GLIS3: variants seen among roughly 807,000 people sequenced by gnomAD.
GLIS3 encodes zinc finger protein GLIS3.
Under a neutral mutation model 78.6 loss-of-function variants are expected in GLIS3, and 53 were observed. That is an observed-to-expected ratio of 0.67 (90% CI 0.54 to 0.85). GLIS3 has a LOEUF of 0.85. GLIS3 is among the 40% of genes least tolerant of loss of function. The pLI, the probability that GLIS3 is intolerant of heterozygous loss-of-function variation, is 0.00. For missense variants in GLIS3, 1,703 were observed against 1,231.1 expected, an observed-to-expected ratio of 1.38 and a Z score of -5.74; for synonymous variants, 684 against 509.9, an observed-to-expected ratio of 1.34 and a Z score of -4.60.
At chr9:4,211,614 T>C (rs1820381286) in intron 2 of GLIS3, among the ~76,000 whole-genome samples, 1 of 152,254 alleles carries the variant, frequency 6.6e-6, no homozygotes, top group Non-Finnish European at 1.5e-5. Context: ...CAAAACAGTT[T>C]GGTAGTTTCT....
the GLIS3 span, among the ~76,000 whole-genome samples, chr9:4,465,898 T>C: frequency 1.1e-4 from 16 of 152,308 alleles, no homozygotes; most frequent in South Asian, 3.1e-3. Flanking sequence ...ATTAAGTGCA[T>C]TTGAAGTTGA....
chr9:4,373,095 C>A, the GLIS3 span, among the ~76,000 whole-genome samples: 1 of 152,188 alleles, frequency 6.6e-6, no homozygotes, highest in Non-Finnish European at 1.5e-5. Context: ...AAAGTGGCTT[C>A]CCTGTTTCCT....
At chr9:4,450,148 C>A in the GLIS3 span, among the ~76,000 whole-genome samples, 4 of 152,154 alleles carry the variant, frequency 2.6e-5, no homozygotes, top group Non-Finnish European at 4.4e-5. Context: ...TAGAGAAGAC[C>A]TTAAGTGACC....
intron 7 of GLIS3, among the ~76,000 whole-genome samples, chr9:3,880,178 T>A (rs1392197834): frequency 1.3e-5 from 2 of 152,200 alleles, no homozygotes; most frequent in African/African-American, 4.8e-5. Flanking sequence ...GATGGTGTGA[T>A]GAATATACTT....
At chr9:4,088,158 G>C (rs924038177) in intron 4 of GLIS3, among the ~76,000 whole-genome samples, 4 of 152,170 alleles carry the variant, frequency 2.6e-5, no homozygotes, top group Non-Finnish European at 5.9e-5. Context: ...AAAGAAGAAG[G>C]GAAAGAAAGG....
At chr9:4,412,544 G>A in the GLIS3 span, among the ~76,000 whole-genome samples, 2 of 152,218 alleles carry the variant, frequency 1.3e-5, no homozygotes, top group African/African-American at 4.8e-5. Context: ...TTAGGGACAT[G>A]GATTTCAGCT....
At chr9:4,036,676 G>A (rs569957188) in intron 4 of GLIS3, among the ~76,000 whole-genome samples, 46 of 152,130 alleles carry the variant, frequency 3.0e-4, no homozygotes, top group African/African-American at 9.4e-4. Flanking sequence ...AGCAAACGGC[G>A]CATTACCTGA....
intron 4 of GLIS3, among the ~76,000 whole-genome samples, chr9:4,110,078 T>C (rs892929318): frequency 6.6e-6 from 1 of 152,210 alleles, no homozygotes; most frequent in African/African-American, 2.4e-5. Flanking sequence ...GTCTCATTTA[T>C]TTCTGTATCC....
the GLIS3 span, among the ~76,000 whole-genome samples, chr9:4,401,494 C>G: frequency 6.6e-6 from 1 of 151,814 alleles, no homozygotes; most frequent in African/African-American, 2.4e-5. Flanking sequence ...GAAATCTCAA[C>G]CTCGGGTAAT....
At chr9:4,411,672 C>A in the GLIS3 span, among the ~76,000 whole-genome samples, 1 of 152,116 alleles carries the variant, frequency 6.6e-6, no homozygotes, top group Non-Finnish European at 1.5e-5. Flanking sequence ...GTATGGTAGA[C>A]AACCTTAACT....
intron 4 of GLIS3, among the ~76,000 whole-genome samples, chr9:4,111,660 A>G (rs1201779781): frequency 6.6e-6 from 1 of 152,264 alleles, no homozygotes; most frequent in Non-Finnish European, 1.5e-5. Flanking sequence ...ATATGTGTCT[A>G]CACTATGTTG....
At chr9:4,440,673 A>G in the GLIS3 span, among the ~76,000 whole-genome samples, 906 of 152,312 alleles carry the variant, frequency 5.9e-3, 7 homozygotes, top group Middle Eastern at 0.02. Context: ...TTCAAATTTT[A>G]GGATTTTCTA....
intron 2 of GLIS3, among the ~76,000 whole-genome samples, chr9:4,315,389 C>CA (rs1373869266): frequency 1.3e-5 from 2 of 152,134 alleles, no homozygotes; most frequent in Non-Finnish European, 2.9e-5. Context: ...CCTGCTCACT[C>CA]AGTCCATGTT....
At chr9:3,925,071 T>C (rs914176264) in intron 6 of GLIS3, among the ~76,000 whole-genome samples, 3 of 152,108 alleles carry the variant, frequency 2.0e-5, no homozygotes, top group African/African-American at 7.2e-5. Flanking sequence ...TGGTCCCCAT[T>C]ACCAATTTTC....
the GLIS3 span, among the ~76,000 whole-genome samples, chr9:4,372,037 C>T: frequency 6.6e-6 from 1 of 152,010 alleles, no homozygotes; most frequent in Non-Finnish European, 1.5e-5. Flanking sequence ...GGTCTTGCCC[C>T]CTCCTCTCCT....
At chr9:4,126,554 G>C (rs1451506815) in intron 2 of GLIS3, among the ~76,000 whole-genome samples, 1 of 152,076 alleles carries the variant, frequency 6.6e-6, no homozygotes, top group Non-Finnish European at 1.5e-5. Flanking sequence ...AACCAAATTG[G>C]ACATAGATTT....
intron 2 of GLIS3, among the ~76,000 whole-genome samples, chr9:4,202,237 G>A (rs1819469684): frequency 7.3e-6 from 1 of 136,482 alleles, no homozygotes; most frequent in African/African-American, 2.8e-5. Flanking sequence ...TGCAAGCTCT[G>A]CCTCCTGGGT....
rs182708214 is a variant in GLIS3, at chr9:4,336,664, C to A, written n.264+10417G>T. On this transcript the variant is annotated intron_variant and non_coding_transcript_variant, in intron 2 of 4. Coordinates refer to the GLIS3 transcript ENST00000471664. Reference sequence around the variant, plus strand: ...GAACTAGGGTTTAGACCCAGATCCACCTAACTCCAAACCTTGCCATTCCTC... The same window carrying A: ...GAACTAGGGTTTAGACCCAGATCCAACTAACTCCAAACCTTGCCATTCCTC... Among the ~76,000 whole-genome samples, 70 of 152,300 alleles carry A rather than the reference C, an allele frequency of 4.6e-4. 1 individual carries two copies. The highest frequency in any genetic ancestry group is 1.6e-3 in the African/African-American group (68 of 41,540).
intron 2 of GLIS3, among the ~76,000 whole-genome samples, chr9:4,251,691 C>G (rs890486439): frequency 6.6e-6 from 1 of 152,110 alleles, no homozygotes; most frequent in Non-Finnish European, 1.5e-5. Flanking sequence ...GATGCAGTTT[C>G]TTCAGTGTCG....
Sources: allele counts gnomAD v4.1 joint callset (sites outside exome capture counted in the v4.1 genomes callset), GRCh38; gene constraint gnomAD v4.1.1; transcripts MANE v1.5; gene names NCBI Gene and HGNC (gene_info 2026-07-23, HGNC 2026-07-21).